EPN2: variants seen among roughly 807,000 people sequenced by gnomAD.
EPN2 encodes epsin 2.
Under a neutral mutation model 61.7 loss-of-function variants are expected in EPN2, and 34 were observed. The observed-to-expected ratio is 0.55, with a 90% CI of 0.42 to 0.73. The LOEUF (loss-of-function observed/expected upper bound fraction) is 0.73, where lower values mean the gene tolerates loss of function less well. Among genes scored for constraint, EPN2 ranks in the 30% least tolerant of loss-of-function variants. EPN2 has a pLI of 0.00. For missense variants in EPN2, 714 were observed against 839.2 expected (o/e 0.85, Z 1.84); for synonymous variants, 349 against 353.6 (o/e 0.99, Z 0.15).
At chr17:19,252,847 C>T (rs575299537) in intron 1 of EPN2, among the ~76,000 whole-genome samples, 15 of 152,106 alleles carry the variant, frequency 9.9e-5, no homozygotes, top group Admixed American at 3.9e-4. Flanking sequence ...GTGTCACCAT[C>T]GCCGGCAAAT....
chr17:19,275,495 C>T (rs1364091026), intron 1 of EPN2, among the ~76,000 whole-genome samples: 1 of 152,200 alleles, frequency 6.6e-6, no homozygotes, highest in Non-Finnish European at 1.5e-5. Flanking sequence ...TCTGACTCTG[C>T]CCCTGTGGTG....
chr17:19,267,798 C>T (rs2045215217), intron 1 of EPN2, among the ~76,000 whole-genome samples: 1 of 152,298 alleles, frequency 6.6e-6, no homozygotes, highest in African/African-American at 2.4e-5. Flanking sequence ...ACCTCAGCCT[C>T]CCAAAGTGCC....
At chr17:19,313,053 T>TTGC (rs1906219855) in intron 6 of EPN2, 52 bp from the exon 7 acceptor site, 1 of 1,576,604 alleles carries the variant, frequency 6.3e-7, no homozygotes, top group South Asian at 1.1e-5. Context: ...TCATGAGTAT[T>TTGC]TGCTGTAACT....
chr17:19,286,349 C>G (rs1413240659), intron 4 of EPN2, among the ~76,000 whole-genome samples: 1 of 152,134 alleles, frequency 6.6e-6, no homozygotes, highest in Non-Finnish European at 1.5e-5. Context: ...AGAGAGTTAG[C>G]TGTACTGTCA....
At chr17:19,280,835 C>T (rs960898586) in intron 1 of EPN2, among the ~76,000 whole-genome samples, 1 of 152,112 alleles carries the variant, frequency 6.6e-6, no homozygotes, top group African/African-American at 2.4e-5. Flanking sequence ...AGGGCTCAGT[C>T]CCACAAGAAC....
rs1265009975 is a variant in EPN2, at chr17:19,285,590, T to C, written c.596-30T>C. On this transcript the variant is annotated intron_variant, in intron 3 of 10. Transcript: ENST00000314728. The surrounding 1 kb of genome is among the most constrained non-coding windows in gnomAD (Gnocchi z 4.5). Reference sequence around the variant, plus strand: ...CGCACCCTCTAATGGCGTGTCTCTCTGTGTGTGTGTGTGTGTCCCTGCCCC... The same window carrying C: ...CGCACCCTCTAATGGCGTGTCTCTCCGTGTGTGTGTGTGTGTCCCTGCCCC... The C allele has an allele frequency of 5.1e-6, 4 of 791,490 alleles. No homozygotes were observed. The South Asian group carries it at 1.4e-4, about 29-fold the overall frequency. The allele number at this position is 791,490 out of a possible 1,614,324, so 49.0% of individuals were successfully genotyped here.
chr17:19,240,751 C>G (rs543017946), intron 1 of EPN2, among the ~76,000 whole-genome samples: 96 of 152,306 alleles, frequency 6.3e-4, no homozygotes, highest in Non-Finnish European at 1.0e-3. Flanking sequence ...GGTGCACTTA[C>G]GACATTGTCC....
At chr17:19,320,258 G>T (rs781543840) in intron 7 of EPN2, among the ~76,000 whole-genome samples, 14 of 152,176 alleles carry the variant, frequency 9.2e-5, no homozygotes, top group Admixed American at 6.5e-5. Context: ...CCTGTGACCC[G>T]CATGCTGGCT....
intron 1 of EPN2, among the ~76,000 whole-genome samples, chr17:19,259,320 T>TTC (rs1316027859): frequency 6.8e-6 from 1 of 146,254 alleles, no homozygotes; most frequent in African/African-American, 2.5e-5. Context: ...TTTTTTTTTT[T>TTC]TTTTTTTTTT....
At chr17:19,314,455 G>T (rs1322739413) in intron 7 of EPN2, among the ~76,000 whole-genome samples, 1 of 152,188 alleles carries the variant, frequency 6.6e-6, no homozygotes, top group East Asian at 1.9e-4. Context: ...CGGAGTGGTG[G>T]AGTGGGTGCA....
At chr17:19,244,043 A>T (rs909079341) in intron 1 of EPN2, among the ~76,000 whole-genome samples, 1 of 152,234 alleles carries the variant, frequency 6.6e-6, no homozygotes, top group African/African-American at 2.4e-5. Flanking sequence ...ACATTTGGAA[A>T]GGAAATGGGG....
At chr17:19,256,249 G>C (rs1223215336) in intron 1 of EPN2, among the ~76,000 whole-genome samples, 2 of 151,814 alleles carry the variant, frequency 1.3e-5, no homozygotes, top group Non-Finnish European at 2.9e-5. Context: ...AGTCCTTCCT[G>C]TTGTAATTGT....
At chr17:19,295,258 C>T (rs2045503522) in intron 4 of EPN2, among the ~76,000 whole-genome samples, 1 of 152,092 alleles carries the variant, frequency 6.6e-6, no homozygotes, top group East Asian at 1.9e-4. Context: ...CTAAATAAGC[C>T]TCTCTTCTCC....
At chr17:19,271,078 C>T (rs1055742229) in intron 1 of EPN2, among the ~76,000 whole-genome samples, 1 of 151,840 alleles carries the variant, frequency 6.6e-6, no homozygotes, top group Non-Finnish European at 1.5e-5. Context: ...TTCTGTGTCA[C>T]ATGGAAGGTG....
At chr17:19,263,897 AG>A (rs1445554646) in intron 1 of EPN2, among the ~76,000 whole-genome samples, 1 of 147,178 alleles carries the variant, frequency 6.8e-6, no homozygotes, top group Admixed American at 6.8e-5. Flanking sequence ...TGAAGGAAAG[AG>A]GGGGGCTGGA....
At chr17:19,309,791 G>A in intron 4 of EPN2, 94 bp from the exon 5 acceptor site, 4 of 924,930 alleles carry the variant, frequency 4.3e-6, no homozygotes, top group Non-Finnish European at 7.0e-6. Context: ...GCGGGTTTGA[G>A]ATGGGAATGG....
Position 19,328,863 on chromosome 17 carries a change from A to G in EPN2, c.1300A>G (p.Thr434Ala). ...RASDAWGAVS[T>A]TKPVSVSGSF... The stretch of plus-strand genomic sequence containing the variant: ...TTCTGACGCGTGGGGCGCAGTCTCC[A>G]CCACCAAGCCCGTGTCTGTCTCTGG... Residue 434 changes from threonine to alanine, a missense_variant, in exon 8 of 11, where the codon ACC becomes GCC. Around this residue, in one of 2 missense-constraint regions of EPN2, gnomAD observed 410 missense variants for 421.8 expected, o/e 0.97. Coordinates refer to ENST00000314728, the MANE Select transcript of EPN2 (RefSeq NM_014964.5). 1.9e-6 allele frequency: 3 copies of G among 1,612,446 alleles called. No individual in the cohort carries two copies. The highest frequency in any genetic ancestry group is 1.7e-6 in the Non-Finnish European group (2 of 1,179,148).
At chr17:19,287,916 A>G (rs947959167) in intron 4 of EPN2, among the ~76,000 whole-genome samples, 2 of 152,138 alleles carry the variant, frequency 1.3e-5, no homozygotes, top group Non-Finnish European at 2.9e-5. Flanking sequence ...AGATCTGTAG[A>G]TCTGACCTTG....
At chr17:19,315,004 T>A (rs957685470) in intron 7 of EPN2, among the ~76,000 whole-genome samples, 2 of 152,216 alleles carry the variant, frequency 1.3e-5, no homozygotes, top group Non-Finnish European at 2.9e-5. Context: ...GTAAAGAAAG[T>A]GGTCACACCA....
Sources: gnomAD v4.1 joint callset for allele counts (sites outside exome capture counted in the v4.1 genomes callset) on GRCh38, gnomAD v4.1.1 for gene constraint, gnomAD v4.1.1 regional missense constraint, Gnocchi (gnomAD v3.1) non-coding constraint, MANE v1.5 for transcripts, NCBI Gene and HGNC (gene_info 2026-07-23, HGNC 2026-07-21) for gene names.